Variants in SNX7 observed in about 807,000 individuals in gnomAD.
SNX7 encodes the protein sorting nexin 7, also known as sorting nexin-7.
SNX7 carries 35 observed loss-of-function variants against 48.4 expected under a neutral mutation model. The ratio of observed to expected loss-of-function variants is 0.72; its 90% confidence interval spans 0.55 to 0.96. The LOEUF (loss-of-function observed/expected upper bound fraction) is 0.96. Ranked by LOEUF, SNX7 falls within the 40% of genes least tolerant of loss-of-function variation. The pLI is 0.00. For synonymous variants in SNX7, 190 were observed against 190.2 expected (o/e 1.00, Z 0.01); for missense variants, 553 against 548.9 (o/e 1.01, Z -0.07).
intron 3 of SNX7, 105 bp downstream of exon 3, chr1:98,691,290 AT>A: frequency 1.6e-6 from 1 of 634,440 alleles, no homozygotes; most frequent in Non-Finnish European, 2.6e-6. Flanking sequence ...ACTGTAATTC[AT>A]TTATCTTAGG....
intron 3 of SNX7, 53 bp from the exon 4 acceptor site, chr1:98,691,482 A>G: frequency 1.4e-6 from 2 of 1,436,004 alleles, no homozygotes; most frequent in South Asian, 3.0e-5. Flanking sequence ...AGAATTGCTT[A>G]TAAACCTATG....
intron 8 of SNX7, among the ~76,000 whole-genome samples, chr1:98,754,724 A>G (rs1654757622): frequency 1.3e-5 from 2 of 152,024 alleles, no homozygotes; most frequent in Non-Finnish European, 2.9e-5. Flanking sequence ...ATGGCTAAAA[A>G]GTTTAATAAT....
intron 4 of SNX7, 84 bp downstream of exon 4, chr1:98,691,783 C>G: frequency 8.7e-7 from 1 of 1,150,058 alleles, no homozygotes; most frequent in South Asian, 2.1e-5. Context: ...TTTACCGTTA[C>G]AAATCATGCA....
At chr1:98,699,493 G>A (rs1257411265) in intron 6 of SNX7, among the ~76,000 whole-genome samples, 1 of 152,074 alleles carries the variant, frequency 6.6e-6, no homozygotes, top group Non-Finnish European at 1.5e-5. Context: ...AATGCTATCT[G>A]CAAAGCTAAT....
chr1:98,668,193 G>GTA (rs768444917), intron 1 of SNX7, among the ~76,000 whole-genome samples: 4 of 152,286 alleles, frequency 2.6e-5, no homozygotes, highest in Non-Finnish European at 4.4e-5. Context: ...GGGAGACCTT[G>GTA]TATAGGACCA....
intron 7 of SNX7, among the ~76,000 whole-genome samples, chr1:98,728,191 G>T (rs933882933): frequency 6.6e-6 from 1 of 152,178 alleles, no homozygotes; most frequent in African/African-American, 2.4e-5. Context: ...GGACCTCTTA[G>T]CAGAAACCCT....
chr1:98,673,055 A>G (rs868445281), intron 1 of SNX7, among the ~76,000 whole-genome samples: 2 of 152,190 alleles, frequency 1.3e-5, no homozygotes, highest in Non-Finnish European at 2.9e-5. Context: ...GACCATACAC[A>G]TGCTTAACAA....
chr1:98,715,026 C>T (rs1009797716), intron 7 of SNX7, among the ~76,000 whole-genome samples: 4 of 152,100 alleles, frequency 2.6e-5, no homozygotes, highest in African/African-American at 4.8e-5. Context: ...TAGTGTGTTT[C>T]TTACAAACAA....
At chr1:98,697,344 T>G (rs957896240) in intron 5 of SNX7, among the ~76,000 whole-genome samples, 6 of 152,176 alleles carry the variant, frequency 3.9e-5, no homozygotes, top group Middle Eastern at 3.4e-3. Context: ...GTTTTAGTAG[T>G]TTAGAGAAAT....
Position 98,760,071 on chromosome 1 carries a change from G to A in SNX7, c.1296G>A (p.Glu432=), listed in dbSNP as rs2019213. ...TTATTCAGTGCCTTGCTACGTGGGA[G>A]TCATTCCTTACATCACAGACCAACC... ...HYYEQCLATW[E]SFLTSQTNLH... Residue 432 remains glutamate (E), a synonymous_variant, in exon 9 of 9, where the codon GAG becomes GAA. Coordinates refer to ENST00000306121, the MANE Select transcript of SNX7 (RefSeq NM_015976.5). 0.97 allele frequency: 1,552,470 copies of A among 1,605,966 alleles called. 753,696 individuals are homozygous for A. The highest frequency in any genetic ancestry group is 0.99 in the Non-Finnish European group (1,158,238 of 1,173,138).
At chr1:98,713,457 G>A (rs1166245275) in intron 7 of SNX7, among the ~76,000 whole-genome samples, 1 of 144,232 alleles carries the variant, frequency 6.9e-6, no homozygotes. Flanking sequence ...CTTTTTTTTT[G>A]CTTTCTTATA....
chr1:98,689,071 A>T (rs1650967537), intron 2 of SNX7, among the ~76,000 whole-genome samples: 1 of 151,922 alleles, frequency 6.6e-6, no homozygotes, highest in Non-Finnish European at 1.5e-5. Flanking sequence ...CGTCTGGCTA[A>T]TTTTTGTATT....
At chr1:98,685,104 CT>C (rs569886515) in intron 2 of SNX7, 37 bp downstream of exon 2, 69 of 1,299,344 alleles carry the variant, frequency 5.3e-5, no homozygotes, top group South Asian at 1.3e-4. Flanking sequence ...AATATAGCTG[CT>C]TTTTTTTAAG....
rs770936732 is a variant in SNX7, at chr1:98,760,137, T to C, written c.*6T>C. 5.6e-6 allele frequency: 9 copies of C among 1,595,700 alleles called. No homozygotes were observed. The highest frequency in any genetic ancestry group is 1.7e-5 in the Admixed American group (1 of 59,814). Reference sequence around the variant, plus strand: ...CCTCTGAAGATAAACCTTAATCCCATTGAGGACTTCTGTTTGATCTTTGGG... The same window carrying C: ...CCTCTGAAGATAAACCTTAATCCCACTGAGGACTTCTGTTTGATCTTTGGG... On this transcript the variant is annotated 3_prime_UTR_variant, in exon 9 of 9. Coordinates refer to ENST00000306121, the MANE Select transcript of SNX7 (RefSeq NM_015976.5).
intron 1 of SNX7, among the ~76,000 whole-genome samples, chr1:98,673,009 C>T (rs1242759176): frequency 1.3e-5 from 2 of 151,494 alleles, no homozygotes; most frequent in African/African-American, 4.8e-5. Flanking sequence ...GATTAATCAC[C>T]TCCAATTGGC....
intron 7 of SNX7, among the ~76,000 whole-genome samples, chr1:98,723,349 G>GT (rs1309200280): frequency 2.0e-5 from 3 of 151,324 alleles, no homozygotes; most frequent in East Asian, 1.9e-4. Context: ...GTTTTAAACG[G>GT]TTTTTTTTCC....
intron 7 of SNX7, among the ~76,000 whole-genome samples, chr1:98,708,141 A>G (rs1652106381): frequency 6.6e-6 from 1 of 152,058 alleles, no homozygotes; most frequent in Admixed American, 6.6e-5. Flanking sequence ...CTCATTTCCT[A>G]ATATAATCTG....
intron 4 of SNX7, among the ~76,000 whole-genome samples, chr1:98,692,632 A>T (rs915388252): frequency 6.6e-6 from 1 of 152,242 alleles, no homozygotes; most frequent in Middle Eastern, 3.4e-3. Flanking sequence ...TCACATGGAG[A>T]TGATCAGCGT....
intron 8 of SNX7, among the ~76,000 whole-genome samples, chr1:98,755,278 T>C (rs1030600382): frequency 1.3e-5 from 2 of 152,126 alleles, no homozygotes; most frequent in African/African-American, 2.4e-5. Context: ...TGTATTCTGC[T>C]TTTGTCCTGT....
Sources: allele counts gnomAD v4.1 joint callset (sites outside exome capture counted in the v4.1 genomes callset), GRCh38; gene constraint gnomAD v4.1.1; transcripts MANE v1.5; gene names NCBI Gene and HGNC (gene_info 2026-07-23, HGNC 2026-07-21).